The following STRBP variants were observed in gnomAD, a reference collection of about 807,000 sequenced individuals.
The protein encoded by STRBP is spermatid perinuclear RNA binding protein, also known as spermatid perinuclear RNA-binding protein.
In STRBP, 13 loss-of-function variants were observed where a neutral mutation model predicts 80.1. The ratio of observed to expected loss-of-function variants is 0.16; its 90% confidence interval spans 0.11 to 0.26. The LOEUF (loss-of-function observed/expected upper bound fraction) is 0.26, where lower values mean the gene tolerates loss of function less well. Among genes scored for constraint, STRBP ranks in the 10% least tolerant of loss-of-function variants. The pLI is 1.00. For missense variants in STRBP, 485 were observed against 815.2 expected (o/e 0.59, Z 4.93); for synonymous variants, 284 against 291.2 (o/e 0.98, Z 0.25).
At chr9:123,245,565 T>G (rs545090927) in intron 1 of STRBP, among the ~76,000 whole-genome samples, 1 of 152,254 alleles carries the variant, frequency 6.6e-6, no homozygotes, top group East Asian at 1.9e-4. Context: ...GTATTTTTAG[T>G]AGAGATGGGG....
chr9:123,228,912 A>T (rs2040319947), intron 2 of STRBP, among the ~76,000 whole-genome samples: 1 of 152,222 alleles, frequency 6.6e-6, no homozygotes, highest in South Asian at 2.1e-4. Flanking sequence ...CATTTTTTGT[A>T]ACAGCCAAAA....
chr9:123,205,969 G>A lies in STRBP; in HGVS notation c.-164-21671C>T, dbSNP rs184123421. Among the ~76,000 whole-genome samples, 374 of 152,222 alleles carry A rather than the reference G, an allele frequency of 2.5e-3. 1 individual carries two copies. Among genetic ancestry groups the A allele is most frequent in the African/African-American group, 8.7e-3 (360 of 41,520 alleles). ...CTGGAAAAAGTAATTTGGAGATAAC[G>A]GACAAAAGAAGAATCTAAGACAGGC... is the stretch of plus-strand genomic sequence containing the variant. On this transcript the variant is annotated intron_variant, in intron 2 of 18. Transcript: ENST00000348403.
chr9:123,168,557 C>G (rs1222096532), intron 6 of STRBP, among the ~76,000 whole-genome samples: 2 of 152,096 alleles, frequency 1.3e-5, no homozygotes, highest in Non-Finnish European at 2.9e-5. Context: ...TTTTCTCTAC[C>G]CTTATCACCA....
At chr9:123,194,740 C>T (rs1432741746) in intron 2 of STRBP, among the ~76,000 whole-genome samples, 1 of 152,056 alleles carries the variant, frequency 6.6e-6, no homozygotes. Context: ...CTCAGTCCTC[C>T]TCTTAGTTGA....
At chr9:123,192,611 G>C (rs2038961975) in intron 2 of STRBP, among the ~76,000 whole-genome samples, 1 of 152,092 alleles carries the variant, frequency 6.6e-6, no homozygotes, top group Non-Finnish European at 1.5e-5. Context: ...AAGGGAAAGG[G>C]GGATAGTGCA....
intron 11 of STRBP, among the ~76,000 whole-genome samples, chr9:123,149,491 C>T (rs1185103351): frequency 6.6e-6 from 1 of 152,206 alleles, no homozygotes; most frequent in Non-Finnish European, 1.5e-5. Context: ...GAGATCTCTT[C>T]TCTAAATCCT....
At chr9:123,162,723 CA>C (rs2037575052) in intron 6 of STRBP, among the ~76,000 whole-genome samples, 1 of 152,182 alleles carries the variant, frequency 6.6e-6, no homozygotes, top group Non-Finnish European at 1.5e-5. Flanking sequence ...AATCAGAATA[CA>C]ATGTTTCATT....
At chr9:123,166,298 A>G (rs1406813703) in intron 6 of STRBP, among the ~76,000 whole-genome samples, 3 of 152,222 alleles carry the variant, frequency 2.0e-5, no homozygotes, top group East Asian at 3.8e-4. Context: ...AGGTGCATTC[A>G]ATAAGTTGAC....
chr9:123,191,912 G>A (rs1412715427), intron 2 of STRBP, among the ~76,000 whole-genome samples: 1 of 152,148 alleles, frequency 6.6e-6, no homozygotes, highest in Non-Finnish European at 1.5e-5. Context: ...ATGGTTACTT[G>A]TTGAAAACAC....
rs577575690 is a variant in STRBP, at chr9:123,174,476, T to C, written c.225-634A>G. Reference sequence around the variant, plus strand: ...AAACTTCCTTCTGTGTTAGTAGTAATTAGGCAATTTGTGAGGAACATGAAT... The same window carrying C: ...AAACTTCCTTCTGTGTTAGTAGTAACTAGGCAATTTGTGAGGAACATGAAT... On this transcript the variant is annotated intron_variant, in intron 4 of 18. Transcript: ENST00000348403. Among the ~76,000 whole-genome samples, 14 of 152,298 alleles carry C rather than the reference T, an allele frequency of 9.2e-5. No individual in the cohort carries two copies. The East Asian group carries it at 2.7e-3, about 29-fold the overall frequency.
intron 2 of STRBP, among the ~76,000 whole-genome samples, chr9:123,232,546 C>A (rs1001897381): frequency 1.3e-5 from 2 of 152,176 alleles, no homozygotes; most frequent in African/African-American, 4.8e-5. Context: ...AACAGCTCAG[C>A]CCTCAGGCAA....
At chr9:123,187,939 C>T (rs1467929705) in intron 2 of STRBP, among the ~76,000 whole-genome samples, 2 of 140,394 alleles carry the variant, frequency 1.4e-5, no homozygotes. Flanking sequence ...TTACAAATGA[C>T]ATGCATTCAC....
At chr9:123,254,456 C>CAAAAAAAAAAA (rs1205708821) in intron 1 of STRBP, among the ~76,000 whole-genome samples, 1 of 65,738 alleles carries the variant, frequency 1.5e-5, no homozygotes, top group African/African-American at 3.3e-5. Context: ...GACTCCGTCT[C>CAAAAAAAAAAA]AAAAAAAAAA....
At chr9:123,231,762 C>T (rs929276126) in intron 2 of STRBP, among the ~76,000 whole-genome samples, 5 of 152,148 alleles carry the variant, frequency 3.3e-5, no homozygotes, top group African/African-American at 1.2e-4. Flanking sequence ...GAAATGATCT[C>T]TTAAGGAAAT....
At chr9:123,139,505 T>C (rs757242704) in intron 14 of STRBP, 24 bp downstream of exon 14, 12 of 1,539,372 alleles carry the variant, frequency 7.8e-6, no homozygotes, top group Non-Finnish European at 1.0e-5. Context: ...TGTTATTTTT[T>C]TTCTGAGAAA....
intron 2 of STRBP, among the ~76,000 whole-genome samples, chr9:123,189,094 T>C (rs1301292778): frequency 6.6e-6 from 1 of 151,964 alleles, no homozygotes; most frequent in Non-Finnish European, 1.5e-5. Context: ...ATTAAGAAAA[T>C]GTGGCACATA....
chr9:123,170,133 G>T (rs112053002), intron 5 of STRBP, 87 bp from the exon 6 acceptor site: 10 of 1,291,704 alleles, frequency 7.7e-6, no homozygotes, highest in African/African-American at 3.0e-5. Context: ...CTAAGTTCTC[G>T]AATGTTACTA....
At chr9:123,228,363 T>C (rs147998617) in intron 2 of STRBP, among the ~76,000 whole-genome samples, 109 of 152,186 alleles carry the variant, frequency 7.2e-4, no homozygotes, top group Non-Finnish European at 1.2e-3. Context: ...TAAGTCTAGA[T>C]AAAGATCTCC....
intron 4 of STRBP, among the ~76,000 whole-genome samples, chr9:123,175,890 T>C (rs542730118): frequency 1.3e-5 from 2 of 152,222 alleles, no homozygotes; most frequent in African/African-American, 2.4e-5. Context: ...TACTAATTCA[T>C]TGGTGTCCCA....
Sources: gnomAD v4.1 joint callset for allele counts (sites outside exome capture counted in the v4.1 genomes callset) on GRCh38, gnomAD v4.1.1 for gene constraint, MANE v1.5 for transcripts, NCBI Gene and HGNC (gene_info 2026-07-23, HGNC 2026-07-21) for gene names.